The following NHSL2 variants were observed in gnomAD, a reference collection of about 807,000 sequenced individuals.
NHSL2 encodes NHS like 2.
Under a neutral mutation model 53.4 loss-of-function variants are expected in NHSL2, and 27 were observed. The observed-to-expected ratio is 0.51, with a 90% CI of 0.37 to 0.70. The LOEUF is 0.70. Among genes scored for constraint, NHSL2 ranks in the 30% least tolerant of loss-of-function variants. NHSL2 has a pLI of 0.00. For missense variants in NHSL2, 892 were observed against 980.1 expected (o/e 0.91, Z 1.20); for synonymous variants, 408 against 404.1 (o/e 1.01, Z -0.12).
At chrX:72,090,758 T>C (rs1390160531) in intron 1 of NHSL2, among the ~76,000 whole-genome samples, 1 of 102,738 alleles carries the variant, frequency 9.7e-6, no homozygotes, top group Non-Finnish European at 2.0e-5. Flanking sequence ...CCTGTGCATA[T>C]ACAAGTGTAT....
chrX:71,945,482 C>T (rs2041788291), intron 1 of NHSL2, among the ~76,000 whole-genome samples: 1 of 111,587 alleles, frequency 9.0e-6, no homozygotes, highest in Non-Finnish European at 1.9e-5. Flanking sequence ...CTCCTGCGTC[C>T]CCCCACCCCG....
chrX:72,077,203 C>T (rs780449184), intron 1 of NHSL2, among the ~76,000 whole-genome samples: 8 of 110,658 alleles, frequency 7.2e-5, no homozygotes, highest in Non-Finnish European at 1.5e-4. Context: ...TGGGACCTGG[C>T]TTTGGGGGTT....
Position 72,054,069 on chromosome X carries a change from C to T in NHSL2, c.281-78010C>T, listed in dbSNP as rs145453002. Among the ~76,000 whole-genome samples the T allele has an allele frequency of 1.4e-3, 156 of 111,091 alleles. 1 individual carries two copies. Among genetic ancestry groups the T allele is most frequent in the African/African-American group, 4.9e-3 (150 of 30,497 alleles). On this transcript the variant is annotated intron_variant, in intron 1 of 7. Coordinates refer to ENST00000633930, the MANE Select transcript of NHSL2 (RefSeq NM_001013627.3). Reference sequence around the variant, plus strand: ...ACCTCACAACTCTTCAACAAGGCCTCACTGAACACCTGCTTACTCTGGGCC... The same window carrying T: ...ACCTCACAACTCTTCAACAAGGCCTTACTGAACACCTGCTTACTCTGGGCC...
chrX:72,047,381 G>A (rs758654574), intron 1 of NHSL2, among the ~76,000 whole-genome samples: 2 of 112,264 alleles, frequency 1.8e-5, no homozygotes, highest in Non-Finnish European at 3.8e-5. Context: ...GGAGGCCATC[G>A]ACATTGGAGG....
At chrX:72,090,695 C>T (rs919114122) in intron 1 of NHSL2, among the ~76,000 whole-genome samples, 4 of 111,118 alleles carry the variant, frequency 3.6e-5, no homozygotes, top group African/African-American at 1.3e-4. Flanking sequence ...TTAACAGCTC[C>T]TCCCTCAAGA....
chrX:72,036,510 A>G (rs956210124), intron 1 of NHSL2, among the ~76,000 whole-genome samples: 24 of 112,142 alleles, frequency 2.1e-4, no homozygotes, highest in African/African-American at 7.5e-4. Context: ...TTGAACCTGG[A>G]GGTTTGTGTC....
chrX:71,935,354 G>A lies in NHSL2; in HGVS notation c.280+23987G>A, dbSNP rs778413369. On this transcript the variant is annotated intron_variant, in intron 1 of 7. Transcript: ENST00000633930. The stretch of plus-strand genomic sequence containing the variant: ...CTGAAGGGCCTTTTATCCTATCAGA[G>A]TGGTTTCCAGCCTAGGGAAATGTGA... Among the ~76,000 whole-genome samples, 12 of 112,426 alleles carry A rather than the reference G, an allele frequency of 1.1e-4. No homozygotes were observed. The South Asian group carries it at 3.4e-3, about 31-fold the overall frequency.
In NHSL2 at chrX:72,048,529, G is replaced by C. The variant is rs2042318393; in HGVS notation, c.281-83550G>C. On this transcript the variant is annotated intron_variant, in intron 1 of 7. Coordinates refer to ENST00000633930, the MANE Select transcript of NHSL2 (RefSeq NM_001013627.3). ...GAGAAAAGGTGACATAATGCCACTG[G>C]GGTCCTGAGGAGAGTGCTGATGCTC... Among the ~76,000 whole-genome samples, 3 of 110,043 alleles carry C rather than the reference G, an allele frequency of 2.7e-5. No individual in the cohort carries two copies. In the South Asian group the frequency reaches 1.2e-3, roughly 44 times the overall value.
chrX:72,007,559 G>T (rs1201452476), intron 1 of NHSL2, among the ~76,000 whole-genome samples: 1 of 113,045 alleles, frequency 8.8e-6, no homozygotes, highest in Non-Finnish European at 1.9e-5. Flanking sequence ...AAGAAAGGTG[G>T]GCATGAGAAG....
intron 1 of NHSL2, among the ~76,000 whole-genome samples, chrX:72,085,811 T>A (rs1406522075): frequency 1.9e-5 from 2 of 107,596 alleles, no homozygotes; most frequent in African/African-American, 3.4e-5. Context: ...GCAGTGCAGC[T>A]GCTCCCTACT....
intron 1 of NHSL2, among the ~76,000 whole-genome samples, chrX:71,997,901 A>G (rs776549141): frequency 1.4e-3 from 152 of 110,377 alleles, no homozygotes; most frequent in African/African-American, 5.1e-3. Flanking sequence ...ACTTAGCACA[A>G]CAAGTGTTAG....
intron 1 of NHSL2, among the ~76,000 whole-genome samples, chrX:71,922,467 A>G (rs779617788): frequency 8.9e-6 from 1 of 112,090 alleles, no homozygotes; most frequent in Admixed American, 9.4e-5. Context: ...TAACCCCTAT[A>G]GTTTGCCTCC....
chrX:72,129,954 G>C (rs190486391), intron 1 of NHSL2: 117 of 1,209,550 alleles, frequency 9.7e-5, no homozygotes, highest in Admixed American at 5.4e-4. Context: ...GAATCAGTTG[G>C]GGGGAGCTGT....
chrX:72,042,992 G>A (rs1240152324), intron 1 of NHSL2, among the ~76,000 whole-genome samples: 3 of 111,396 alleles, frequency 2.7e-5, no homozygotes, highest in Non-Finnish European at 5.7e-5. Flanking sequence ...CCACACATCT[G>A]TTCTGTGCCA....
chrX:72,052,277 C>G (rs1175140439), intron 1 of NHSL2, among the ~76,000 whole-genome samples: 1 of 112,197 alleles, frequency 8.9e-6, no homozygotes, highest in Non-Finnish European at 1.9e-5. Flanking sequence ...CTCAGTCCTC[C>G]GAGGCACACC....
At chrX:72,131,606 G>C in intron 1 of NHSL2, 1 of 1,060,747 alleles carries the variant, frequency 9.4e-7, no homozygotes. Context: ...ACGGGCGGCC[G>C]GAGGAGGCCG....
intron 1 of NHSL2, among the ~76,000 whole-genome samples, chrX:71,951,695 A>G (rs1193539767): frequency 1.8e-5 from 2 of 111,987 alleles, no homozygotes; most frequent in African/African-American, 6.5e-5. Flanking sequence ...TTGTTTTCCA[A>G]ACACTCTTGG....
chrX:72,050,324 C>T (rs752390396), intron 1 of NHSL2, among the ~76,000 whole-genome samples: 1 of 111,294 alleles, frequency 9.0e-6, no homozygotes, highest in African/African-American at 3.3e-5. Flanking sequence ...TTATTAGGAG[C>T]TGTGGGGTCA....
rs969293930 is a variant in NHSL2, at chrX:72,086,947, A to G, written c.281-45132A>G. Among the ~76,000 whole-genome samples the G allele has an allele frequency of 6.3e-5, 7 of 111,787 alleles. No individual in the cohort carries two copies. In the Admixed American group the frequency reaches 6.6e-4, roughly 11 times the overall value. On this transcript the variant is annotated intron_variant, in intron 1 of 7. Transcript: ENST00000633930. ...ATATACCCAAAAGAAGTGAAAACAG[A>G]GACTTGAACAGGTATGTTCAGTTGC...
Sources: allele counts gnomAD v4.1 joint callset (sites outside exome capture counted in the v4.1 genomes callset), GRCh38; gene constraint gnomAD v4.1.1; transcripts MANE v1.5; gene names NCBI Gene and HGNC (gene_info 2026-07-23, HGNC 2026-07-21).